PDE4D: variants seen among roughly 807,000 people sequenced by gnomAD.
PDE4D encodes 3',5'-cyclic-AMP phosphodiesterase 4D.
Under a neutral mutation model 87.4 loss-of-function variants are expected in PDE4D, and 24 were observed. The ratio of observed to expected loss-of-function variants is 0.27; its 90% CI spans 0.20 to 0.39. The LOEUF is 0.39. PDE4D is among the 10% of genes least tolerant of loss of function. The pLI, the probability that PDE4D is intolerant of heterozygous loss-of-function variation, is 1.00. For synonymous variants in PDE4D, 384 were observed against 383.2 expected (o/e 1.00, Z -0.02); for missense variants, 714 against 1,041.0 (o/e 0.69, Z 4.32).
At chr5:60,341,264 G>A (rs1018354524) in intron 1 of PDE4D, among the ~76,000 whole-genome samples, 2 of 152,126 alleles carry the variant, frequency 1.3e-5, no homozygotes, top group African/African-American at 4.8e-5. Context: ...TAGTCAAGTG[G>A]CCTACCCAAG....
chr5:59,135,149 T>C (rs1776854199), intron 5 of PDE4D, among the ~76,000 whole-genome samples: 1 of 152,174 alleles, frequency 6.6e-6, no homozygotes, highest in Admixed American at 6.5e-5. Context: ...GATGCACTTA[T>C]TTGGAAGGAT....
At chr5:59,591,144 CA>C (rs1037061348) in intron 1 of PDE4D, among the ~76,000 whole-genome samples, 34 of 151,958 alleles carry the variant, frequency 2.2e-4, no homozygotes, top group African/African-American at 8.2e-4. Flanking sequence ...ATAATACATA[CA>C]AAAAAAGTCT....
chr5:60,163,043 T>C (rs1194489355), intron 2 of PDE4D, among the ~76,000 whole-genome samples: 2 of 152,148 alleles, frequency 1.3e-5, no homozygotes, highest in African/African-American at 4.8e-5. Context: ...TATTATCAAA[T>C]AACAGCTGTA....
At chr5:59,606,327 A>C (rs1398092038) in intron 1 of PDE4D, among the ~76,000 whole-genome samples, 2 of 152,172 alleles carry the variant, frequency 1.3e-5, no homozygotes, top group Non-Finnish European at 2.9e-5. Flanking sequence ...ATGCAACAGC[A>C]CATTGGAAAT....
chr5:59,001,601 T>G (rs891887017), intron 6 of PDE4D, among the ~76,000 whole-genome samples: 1 of 152,224 alleles, frequency 6.6e-6, no homozygotes, highest in African/African-American at 2.4e-5. Flanking sequence ...GTGTTCCACA[T>G]GTTTGATCAT....
At chr5:60,039,342 A>T (rs1431108063) in intron 2 of PDE4D, among the ~76,000 whole-genome samples, 2 of 151,584 alleles carry the variant, frequency 1.3e-5, no homozygotes, top group African/African-American at 2.4e-5. Context: ...AGAACAAAAA[A>T]CCAAACACCG....
chr5:59,474,751 C>A (rs1284473947), intron 1 of PDE4D, among the ~76,000 whole-genome samples: 2 of 152,142 alleles, frequency 1.3e-5, no homozygotes, highest in African/African-American at 4.8e-5. Context: ...ATAACCTAGA[C>A]TATCTTGACT....
chr5:60,351,734 A>G (rs1346306802), intron 1 of PDE4D, among the ~76,000 whole-genome samples: 1 of 152,098 alleles, frequency 6.6e-6, no homozygotes, highest in Non-Finnish European at 1.5e-5. Context: ...TTATGAAGCA[A>G]TGAATAGTCT....
At chr5:59,162,171 C>A (rs1463649711) in intron 5 of PDE4D, among the ~76,000 whole-genome samples, 2 of 152,152 alleles carry the variant, frequency 1.3e-5, no homozygotes. Context: ...TCCAATTGAT[C>A]TATATATGGA....
chr5:60,022,156 T>C (rs573260402), intron 2 of PDE4D, among the ~76,000 whole-genome samples: 2 of 147,626 alleles, frequency 1.4e-5, no homozygotes, highest in African/African-American at 5.1e-5. Flanking sequence ...AGCCAGAGTC[T>C]GGATAGGACA....
At chr5:59,287,537 G>A (rs922537860) in intron 1 of PDE4D, among the ~76,000 whole-genome samples, 6 of 152,150 alleles carry the variant, frequency 3.9e-5, no homozygotes, top group Admixed American at 2.6e-4. Context: ...ACCACCTGCT[G>A]ATTATAGAGC....
rs1402434394 is a variant in PDE4D at position 59,845,053 on chromosome 5, G to A, written c.455+48115C>T. Among the ~76,000 whole-genome samples, 5 of 151,984 alleles carry A rather than the reference G, an allele frequency of 3.3e-5. No individual in the cohort carries two copies. The East Asian group carries it at 5.8e-4, about 18-fold the overall frequency. On this transcript the variant is annotated intron_variant, in intron 1 of 14. Transcript: ENST00000340635. Reference sequence around the variant, plus strand: ...TGATCAGCAAGAAAGTGGGAACTTCGGTCCTAAAACCACAGCAACTAAATT... The same window carrying A: ...TGATCAGCAAGAAAGTGGGAACTTCAGTCCTAAAACCACAGCAACTAAATT...
chr5:59,775,394 C>T (rs149766626), intron 1 of PDE4D, among the ~76,000 whole-genome samples: 72 of 152,250 alleles, frequency 4.7e-4, no homozygotes, highest in Admixed American at 7.9e-4. Context: ...GTGCAAAACA[C>T]TAGTGCACTA....
At chr5:60,477,869 C>T (rs1316993667) in intron 1 of PDE4D, among the ~76,000 whole-genome samples, 1 of 152,196 alleles carries the variant, frequency 6.6e-6, no homozygotes, top group Non-Finnish European at 1.5e-5. Flanking sequence ...GTCATCTTGG[C>T]TTGCCAGCTA....
intron 1 of PDE4D, among the ~76,000 whole-genome samples, chr5:60,193,416 A>G (rs71627992): frequency 0.05 from 7,658 of 152,218 alleles, 218 homozygotes; most frequent in South Asian, 0.062. Flanking sequence ...CACGCCTGTA[A>G]TCCCAGCACT....
intron 1 of PDE4D, among the ~76,000 whole-genome samples, chr5:59,621,561 TA>T (rs1310717033): frequency 6.6e-6 from 1 of 152,220 alleles, no homozygotes; most frequent in African/African-American, 2.4e-5. Context: ...GCATAGTGGC[TA>T]ATTCCTAGTA....
chr5:59,555,439 C>T (rs1818736090), intron 1 of PDE4D, among the ~76,000 whole-genome samples: 1 of 151,820 alleles, frequency 6.6e-6, no homozygotes, highest in Non-Finnish European at 1.5e-5. Context: ...ACAACAAACC[C>T]CCATGACAGG....
At chr5:59,555,877 T>C (rs1818818334) in intron 1 of PDE4D, among the ~76,000 whole-genome samples, 2 of 152,144 alleles carry the variant, frequency 1.3e-5, no homozygotes, top group Non-Finnish European at 2.9e-5. Flanking sequence ...CGCCTTGTTT[T>C]CAGCTTGTGT....
chr5:59,107,782 G>A (rs1394401926), intron 5 of PDE4D, among the ~76,000 whole-genome samples: 1 of 152,112 alleles, frequency 6.6e-6, no homozygotes, highest in Non-Finnish European at 1.5e-5. Flanking sequence ...TTAACCAACA[G>A]AACACAAAAA....
Sources: allele counts gnomAD v4.1 joint callset (sites outside exome capture counted in the v4.1 genomes callset), GRCh38; gene constraint gnomAD v4.1.1; transcripts MANE v1.5; gene names NCBI Gene and HGNC (gene_info 2026-07-23, HGNC 2026-07-21).